SLC35A3: variants seen among roughly 807,000 people sequenced by gnomAD.
The protein encoded by SLC35A3 is UDP-N-acetylglucosamine transporter.
Under a neutral mutation model 39.0 loss-of-function variants are expected in SLC35A3, and 26 were observed. The observed-to-expected ratio is 0.67, with a 90% CI of 0.49 to 0.92. SLC35A3 has a LOEUF of 0.92. SLC35A3 is among the 40% of genes least tolerant of loss of function. The probability of loss-of-function intolerance (pLI) is 0.00; values close to 1 mark genes in which losing one functional copy is unlikely to be tolerated. For synonymous variants in SLC35A3, 135 were observed against 133.1 expected, an observed-to-expected ratio of 1.01 and a Z score of -0.10; for missense variants, 299 against 371.6, an observed-to-expected ratio of 0.80 and a Z score of 1.61.
intron 1 of SLC35A3, 115 bp from the exon 2 acceptor site, chr1:99,993,422 G>A (rs1034366873): frequency 3.3e-5 from 23 of 697,040 alleles, no homozygotes; most frequent in Non-Finnish European, 5.0e-5. Flanking sequence ...CTTTTTGGTG[G>A]CAGGTGGAGG....
chr1:100,032,430 C>T lies in SLC35A3; in HGVS notation c.*9954C>T, dbSNP rs1252911964. Reference sequence around the variant, plus strand: ...CTAATATCCCTCTTTAAAAAAAAGACCATGTCTTCATGAATTTAAAAAAAA... The same window carrying T: ...CTAATATCCCTCTTTAAAAAAAAGATCATGTCTTCATGAATTTAAAAAAAA... On this transcript the variant is annotated 3_prime_UTR_variant, in exon 8 of 8. Coordinates refer to ENST00000533028, the MANE Select transcript of SLC35A3 (RefSeq NM_012243.3). 6.6e-6 allele frequency: 1 copy of T among 152,022 alleles called. No individual in the cohort carries two copies. Among genetic ancestry groups the T allele is most frequent in the Non-Finnish European group, 1.5e-5 (1 of 68,012 alleles). 9.4% of individuals were successfully genotyped at this position (152,022 alleles called of 1,614,324 possible).
chr1:100,016,617 C>T (rs1328039234), intron 6 of SLC35A3, among the ~76,000 whole-genome samples: 3 of 151,948 alleles, frequency 2.0e-5, no homozygotes, highest in Non-Finnish European at 4.4e-5. Flanking sequence ...TTGTGATCCG[C>T]CCACCTCGGC....
In SLC35A3 at chr1:100,032,581, T is replaced by G. The variant is rs1022051859; in HGVS notation, c.*10105T>G. On this transcript the variant is annotated 3_prime_UTR_variant, in exon 8 of 8. Transcript: ENST00000533028. ...TTTTTTTTGAGATGGAGTTTCACTCTGTCACCCAAGCTGGAGTGCAGTGGC... is the reference window on the plus strand; with the variant it reads ...TTTTTTTTGAGATGGAGTTTCACTCGGTCACCCAAGCTGGAGTGCAGTGGC... 1 of 152,318 alleles carries G rather than the reference T, an allele frequency of 6.6e-6. No homozygotes were observed. The highest frequency in any genetic ancestry group is 2.4e-5 in the African/African-American group (1 of 41,452). 9.4% of individuals were successfully genotyped at this position (152,318 alleles called of 1,614,324 possible).
Position 100,029,858 on chromosome 1 carries a change from T to TAGAG in SLC35A3, c.*7383_*7384insGAGA, listed in dbSNP as rs1407721028. ...ATATTGTGTTAAGAACATATATATA[T>TAGAG]ATATAGAGAGAGAGAGAGCATAGTA... On this transcript the variant is annotated 3_prime_UTR_variant, in exon 8 of 8. Transcript: ENST00000533028. The TAGAG allele has an allele frequency of 2.0e-5, 3 of 152,086 alleles. No homozygotes were observed. The highest frequency in any genetic ancestry group is 7.2e-5 in the African/African-American group (3 of 41,410). 9.4% of individuals were successfully genotyped at this position (152,086 alleles called of 1,614,324 possible).
chr1:99,997,880 G>T (rs1057356103), intron 2 of SLC35A3, among the ~76,000 whole-genome samples: 1 of 152,058 alleles, frequency 6.6e-6, no homozygotes, highest in South Asian at 2.1e-4. Context: ...ATACTGGAAG[G>T]TCTTTAAAAG....
intron 2 of SLC35A3, among the ~76,000 whole-genome samples, chr1:99,997,231 A>C (rs1480976892): frequency 2.0e-5 from 3 of 151,660 alleles, no homozygotes. Context: ...CTGTTCAATG[A>C]GAACCAAGAA....
In SLC35A3 at chr1:100,024,868, A is replaced by G; in HGVS notation, c.*2392A>G. 2.7e-6 allele frequency: 1 copy of G among 377,048 alleles called. No individual in the cohort carries two copies. The highest frequency in any genetic ancestry group is 4.7e-6 in the Non-Finnish European group (1 of 212,946). 23.4% of individuals were successfully genotyped at this position (377,048 alleles called of 1,614,324 possible). A position where few individuals can be genotyped will look rare whatever the true frequency, so the allele number is the denominator to read the frequency against. On this transcript the variant is annotated 3_prime_UTR_variant, in exon 8 of 8. Transcript: ENST00000533028. ...TTTTTATATAGCTCTCATGGATTTT[A>G]TTAAACAGAATTGGCTCAAAAATAC...
Position 100,029,444 on chromosome 1 carries a change from T to A in SLC35A3, c.*6968T>A, listed in dbSNP as rs946058382. On this transcript the variant is annotated 3_prime_UTR_variant, in exon 8 of 8. Coordinates refer to ENST00000533028, the MANE Select transcript of SLC35A3 (RefSeq NM_012243.3). Reference sequence around the variant, plus strand: ...ACTTTTAATTTTTTTTTTTTTTTTTTTTTTGAGATGGAGTCTCGCTCTGTC... The same window carrying A: ...ACTTTTAATTTTTTTTTTTTTTTTTATTTTGAGATGGAGTCTCGCTCTGTC... 4 of 143,800 alleles carry A rather than the reference T, an allele frequency of 2.8e-5. No homozygotes were observed. Among genetic ancestry groups the A allele is most frequent in the African/African-American group, 1.1e-4 (4 of 37,382 alleles). The allele number at this position is 143,800 out of a possible 1,614,324, so 8.9% of individuals were successfully genotyped here. A position where few individuals can be genotyped will look rare whatever the true frequency, so the allele number is the denominator to read the frequency against.
chr1:100,021,239 T>C (rs1318129236), intron 7 of SLC35A3, among the ~76,000 whole-genome samples: 1 of 151,872 alleles, frequency 6.6e-6, no homozygotes, highest in Middle Eastern at 3.2e-3. Context: ...TGGTGCACAC[T>C]GGTAATCCCA....
At chr1:99,985,147 G>A (rs1349216011) in intron 1 of SLC35A3, among the ~76,000 whole-genome samples, 1 of 152,164 alleles carries the variant, frequency 6.6e-6, no homozygotes, top group African/African-American at 2.4e-5. Flanking sequence ...CTTTGCCTAA[G>A]CCAATGTCTA....
In SLC35A3 at chr1:100,031,261, C is replaced by T. The variant is rs1267718609; in HGVS notation, c.*8785C>T. 1 of 152,082 alleles carries T rather than the reference C, an allele frequency of 6.6e-6. No homozygotes were observed. The highest frequency in any genetic ancestry group is 1.5e-5 in the Non-Finnish European group (1 of 68,016). 9.4% of individuals were successfully genotyped at this position (152,082 alleles called of 1,614,324 possible). On this transcript the variant is annotated 3_prime_UTR_variant, in exon 8 of 8. Coordinates refer to ENST00000533028, the MANE Select transcript of SLC35A3 (RefSeq NM_012243.3). ...AAATTTTCTCCAGCTTTTCATTTTG[C>T]AGCATACAAAAAAATTGAAAAATTG... is the stretch of plus-strand genomic sequence containing the variant.
chr1:100,011,891 T>G (rs1473902719), intron 5 of SLC35A3, among the ~76,000 whole-genome samples: 1 of 151,726 alleles, frequency 6.6e-6, no homozygotes, highest in African/African-American at 2.4e-5. Context: ...GCTAATTTTT[T>G]GTATTTTTAG....
At chr1:99,988,426 C>T (rs1657875324) in intron 1 of SLC35A3, among the ~76,000 whole-genome samples, 1 of 151,830 alleles carries the variant, frequency 6.6e-6, no homozygotes, top group African/African-American at 2.4e-5. Context: ...ATAATTTATT[C>T]AAATATTGAT....
At position 100,015,341 on chromosome 1, in the gene SLC35A3, T is replaced by G; in HGVS notation, c.674T>G (p.Ile225Ser). Residue 225 changes from isoleucine to serine, a missense_variant, in exon 6 of 8, where the codon ATT (isoleucine) becomes AGT (serine). Ile to Ser is a moderately radical substitution (Grantham distance 142). Coordinates refer to ENST00000533028, the MANE Select transcript of SLC35A3 (RefSeq NM_012243.3). ...GSIFGLMGVY[I>S]YDGELVSKNG... ...ATATTTGGATTAATGGGTGTATACA[T>G]TTATGATGGAGAACTGGTATCAAAG... 1 of 1,613,150 alleles carries G rather than the reference T, an allele frequency of 6.2e-7. No homozygotes were observed. Among genetic ancestry groups the G allele is most frequent in the Non-Finnish European group, 8.5e-7 (1 of 1,179,642 alleles).
At chr1:99,991,889 C>T (rs1419470178) in intron 1 of SLC35A3, among the ~76,000 whole-genome samples, 1 of 152,168 alleles carries the variant, frequency 6.6e-6, no homozygotes, top group Non-Finnish European at 1.5e-5. Flanking sequence ...GATGGGACTA[C>T]AGGTGCGTGC....
Position 100,029,055 on chromosome 1 carries a change from A to C in SLC35A3, c.*6579A>C, listed in dbSNP as rs1482326936. 2 of 152,152 alleles carry C rather than the reference A, an allele frequency of 1.3e-5. No homozygotes were observed. The highest frequency in any genetic ancestry group is 4.8e-5 in the African/African-American group (2 of 41,432). The allele number at this position is 152,152 out of a possible 1,614,324, so 9.4% of individuals were successfully genotyped here. On this transcript the variant is annotated 3_prime_UTR_variant, in exon 8 of 8. Transcript: ENST00000533028. Reference sequence around the variant, plus strand: ...ATAGTATTGCCATTCAGGGAAGCTCACCTAAGCTTTGGTGTCCAGATTTTT... The same window carrying C: ...ATAGTATTGCCATTCAGGGAAGCTCCCCTAAGCTTTGGTGTCCAGATTTTT...
chr1:100,033,724 T>C lies in SLC35A3; in HGVS notation c.*11248T>C, dbSNP rs1268969173. 2 of 152,226 alleles carry C rather than the reference T, an allele frequency of 1.3e-5. No individual in the cohort carries two copies. Among genetic ancestry groups the C allele is most frequent in the Non-Finnish European group, 2.9e-5 (2 of 68,044 alleles). 9.4% of individuals were successfully genotyped at this position (152,226 alleles called of 1,614,324 possible). A position where few individuals can be genotyped will look rare whatever the true frequency, so the allele number is the denominator to read the frequency against. ...TCTATGTGACCGTCAGTGAATATAT[T>C]ATCTGTTCATATTTTCTGTAGTCTT... On this transcript the variant is annotated 3_prime_UTR_variant, in exon 8 of 8. Transcript: ENST00000533028.
Position 100,025,309 on chromosome 1 carries a change from A to G in SLC35A3, c.*2833A>G, listed in dbSNP as rs980045942. 1 of 152,230 alleles carries G rather than the reference A, an allele frequency of 6.6e-6. No homozygotes were observed. Among genetic ancestry groups the G allele is most frequent in the Admixed American group, 6.5e-5 (1 of 15,284 alleles). The allele number at this position is 152,230 out of a possible 1,614,324, so 9.4% of individuals were successfully genotyped here. On this transcript the variant is annotated 3_prime_UTR_variant, in exon 8 of 8. Transcript: ENST00000533028. The stretch of plus-strand genomic sequence containing the variant: ...TTACTTATGTATTAATGCAGTGTGC[A>G]TTCACATTTAATCAGGTTTAGTCTG...
intron 1 of SLC35A3, among the ~76,000 whole-genome samples, chr1:99,985,419 G>T (rs1438387892): frequency 6.6e-6 from 1 of 152,164 alleles, no homozygotes; most frequent in Non-Finnish European, 1.5e-5. Flanking sequence ...TGTTCCATTG[G>T]TCTATGTGCC....
Sources: gnomAD v4.1 joint callset for allele counts (sites outside exome capture counted in the v4.1 genomes callset) on GRCh38, gnomAD v4.1.1 for gene constraint, MANE v1.5 for transcripts, NCBI Gene and HGNC (gene_info 2026-07-23, HGNC 2026-07-21) for gene names.